The following ERMP1 variants were observed in gnomAD, a reference collection of about 807,000 sequenced individuals.
ERMP1 encodes Felix-ina.
ERMP1 carries 86 observed loss-of-function variants against 92.0 expected under a neutral mutation model. The ratio of observed to expected loss-of-function variants is 0.93; its 90% CI spans 0.79 to 1.12. The LOEUF (loss-of-function observed/expected upper bound fraction) is 1.12. Among genes scored for constraint, ERMP1 ranks in the 50% most tolerant of loss-of-function variants. ERMP1 has a pLI of 0.00. For missense variants in ERMP1, 1,342 were observed against 1,116.3 expected, an observed-to-expected ratio of 1.20 and a Z score of -2.88; for synonymous variants, 530 against 412.8, an observed-to-expected ratio of 1.28 and a Z score of -3.44.
upstream of ERMP1, among the ~76,000 whole-genome samples, chr9:5,835,019 G>GTC: frequency 6.7e-6 from 1 of 149,754 alleles, no homozygotes; most frequent in East Asian, 2.0e-4. Flanking sequence ...GTGTGTGTGT[G>GTC]TGTGTGAAAG....
rs141649919 is a variant in ERMP1 at position 5,819,652 on chromosome 9, T to C, written c.874+4244A>G. ...TGGCACATAGTTTCACAGTTTACTA[T>C]GGCACATGTATTCCTACTGCAACAC... On this transcript the variant is annotated intron_variant, in intron 4 of 14. Transcript: ENST00000339450. 2.6e-5 allele frequency among the ~76,000 whole-genome samples: 4 copies of C among 152,342 alleles called. No homozygotes were observed. In the East Asian group the frequency reaches 7.7e-4, roughly 29 times the overall value.
At chr9:5,822,924 A>G (rs544878855) in intron 4 of ERMP1, among the ~76,000 whole-genome samples, 31 of 152,310 alleles carry the variant, frequency 2.0e-4, no homozygotes, top group African/African-American at 7.2e-4. Context: ...TAGCGTTCCA[A>G]TAATGGAACA....
upstream of ERMP1, among the ~76,000 whole-genome samples, chr9:5,835,254 T>A (rs1162944388): frequency 1.3e-5 from 2 of 152,218 alleles, no homozygotes; most frequent in Admixed American, 1.3e-4. Context: ...GTTGGATATC[T>A]ACTTGTGTCA....
intron 6 of ERMP1, among the ~76,000 whole-genome samples, chr9:5,843,985 G>A (rs1830202881): frequency 6.6e-6 from 1 of 152,072 alleles, no homozygotes; most frequent in Non-Finnish European, 1.5e-5. Flanking sequence ...TCCACCCCCT[G>A]GCCAATACCG....
intron 13 of ERMP1, among the ~76,000 whole-genome samples, chr9:5,792,210 A>G (rs1828227120): frequency 1.3e-5 from 2 of 152,216 alleles, no homozygotes; most frequent in African/African-American, 4.8e-5. Context: ...ATGCTTTGCC[A>G]AGGAATTTGA....
chr9:5,790,049 G>A (rs1828111944), intron 13 of ERMP1, among the ~76,000 whole-genome samples: 1 of 151,472 alleles, frequency 6.6e-6, no homozygotes, highest in African/African-American at 2.4e-5. Flanking sequence ...GAAGTTATAA[G>A]ACAAATATAC....
intron 6 of ERMP1, among the ~76,000 whole-genome samples, chr9:5,841,326 G>C (rs570591243): frequency 6.6e-6 from 1 of 152,322 alleles, no homozygotes; most frequent in South Asian, 2.1e-4. Flanking sequence ...AAAACATTGT[G>C]CTAAGTGGAA....
chr9:5,865,511 AAAT>A (rs58367366), intron 5 of ERMP1, among the ~76,000 whole-genome samples: 50,009 of 141,762 alleles, frequency 0.35, 9,028 homozygotes, highest in East Asian at 0.56. Context: ...CCATCTCAAA[AAAT>A]AATAATAATA....
rs1454264181 is a variant in ERMP1, at chr9:5,784,895, ATT to A, written c.*2247_*2248del. ...CATCTAATTCTGTAGAAAATAATGC[ATT>A]TGTTAGTGACTTTGTTAGAGCTTGA... is the stretch of plus-strand genomic sequence containing the variant. On this transcript the variant is annotated 3_prime_UTR_variant, in exon 15 of 15. Coordinates refer to ENST00000339450, the MANE Select transcript of ERMP1 (RefSeq NM_024896.3). The A allele has an allele frequency of 2.0e-5, 3 of 152,430 alleles. No homozygotes were observed. The highest frequency in any genetic ancestry group is 4.4e-5 in the Non-Finnish European group (3 of 68,046). The allele number at this position is 152,430 out of a possible 1,614,324, so 9.4% of individuals were successfully genotyped here.
intron 12 of ERMP1, 24 bp downstream of exon 12, chr9:5,798,782 T>G (rs761343537): frequency 1.3e-6 from 2 of 1,540,310 alleles, no homozygotes; most frequent in South Asian, 2.2e-5. Context: ...AAACTAACCT[T>G]AAGCAGAAAA....
intron 6 of ERMP1, among the ~76,000 whole-genome samples, chr9:5,845,687 G>C (rs1315085823): frequency 6.6e-6 from 1 of 152,178 alleles, no homozygotes; most frequent in Non-Finnish European, 1.5e-5. Context: ...GGTTCTCCTT[G>C]ATCACACCAA....
chr9:5,794,308 A>G (rs1341866183), intron 13 of ERMP1, among the ~76,000 whole-genome samples: 4 of 152,290 alleles, frequency 2.6e-5, no homozygotes, highest in African/African-American at 7.2e-5. Context: ...AAGGAAACTT[A>G]TAGCAATGAA....
At chr9:5,800,544 C>G (rs1195063603) in intron 11 of ERMP1, among the ~76,000 whole-genome samples, 1 of 152,048 alleles carries the variant, frequency 6.6e-6, no homozygotes, top group African/African-American at 2.4e-5. Flanking sequence ...GGCGTGGTGG[C>G]GAGCGCCTGT....
intron 5 of ERMP1, among the ~76,000 whole-genome samples, chr9:5,864,609 T>G (rs1473669960): frequency 6.6e-6 from 1 of 151,028 alleles, no homozygotes; most frequent in African/African-American, 2.4e-5. Context: ...CCTCAGGGGG[T>G]GGTAGAGATG....
chr9:5,793,936 A>C (rs1279137472), intron 13 of ERMP1, among the ~76,000 whole-genome samples: 1 of 152,112 alleles, frequency 6.6e-6, no homozygotes, highest in Non-Finnish European at 1.5e-5. Flanking sequence ...AATCGATTAG[A>C]TCTAAGTGAC....
intron 2 of ERMP1, 135 bp from the exon 3 acceptor site, chr9:5,825,354 C>CTGATGATGACAG: frequency 1.2e-6 from 1 of 816,462 alleles, no homozygotes; most frequent in Non-Finnish European, 1.9e-6. Flanking sequence ...GCTCTGTCAT[C>CTGATGATGACAG]ATCAGGTGAC....
chr9:5,848,033 G>C (rs1830260870), intron 6 of ERMP1, among the ~76,000 whole-genome samples: 3 of 152,134 alleles, frequency 2.0e-5, no homozygotes, highest in African/African-American at 7.2e-5. Flanking sequence ...ATCATTTACT[G>C]AAGGTCATAC....
At chr9:5,859,085 G>T (rs1830425097) in intron 6 of ERMP1, among the ~76,000 whole-genome samples, 2 of 152,194 alleles carry the variant, frequency 1.3e-5, no homozygotes, top group South Asian at 4.1e-4. Flanking sequence ...GCTAGCAAGA[G>T]GTGAATTTAG....
intron 5 of ERMP1, among the ~76,000 whole-genome samples, chr9:5,866,914 G>C (rs530306892): frequency 1.3e-5 from 2 of 152,222 alleles, no homozygotes; most frequent in Non-Finnish European, 2.9e-5. Flanking sequence ...AATAAGAATG[G>C]GTTGTTTGAG....
Sources: gnomAD v4.1 joint callset for allele counts (sites outside exome capture counted in the v4.1 genomes callset) on GRCh38, gnomAD v4.1.1 for gene constraint, MANE v1.5 for transcripts, NCBI Gene and HGNC (gene_info 2026-07-23, HGNC 2026-07-21) for gene names.